Variants in PCDHA3 observed in about 807,000 individuals in gnomAD.
The protein encoded by PCDHA3 is protocadherin alpha-3.
Under a neutral mutation model 62.2 loss-of-function variants are expected in PCDHA3, and 41 were observed. The observed-to-expected ratio is 0.66, with a 90% CI of 0.51 to 0.86. PCDHA3 has a LOEUF of 0.86. Among genes scored for constraint, PCDHA3 ranks in the 40% least tolerant of loss-of-function variants. The pLI is 0.00. For synonymous variants in PCDHA3, 640 were observed against 555.4 expected (o/e 1.15, Z -2.14); for missense variants, 1,304 against 1,241.2 (o/e 1.05, Z -0.76).
Position 140,908,881 on chromosome 5 carries a change from A to G in PCDHA3, c.2395-70068A>G, listed in dbSNP as rs77004912. Among the ~76,000 whole-genome samples, 1,225 of 152,366 alleles carry G rather than the reference A, an allele frequency of 8.0e-3. 6 individuals carry two copies. The highest frequency in any genetic ancestry group is 0.019 in the African/African-American group (790 of 41,588). Reference sequence around the variant, plus strand: ...AGGAATGTGTTGCCTCCAAAATCCAATAGTCCCAAATAAGCCTCTTTCGTG... The same window carrying G: ...AGGAATGTGTTGCCTCCAAAATCCAGTAGTCCCAAATAAGCCTCTTTCGTG... On this transcript the variant is annotated intron_variant, in intron 1 of 3. Transcript: ENST00000522353.
intron 1 of PCDHA3, chr5:140,857,971 G>A: frequency 6.3e-7 from 1 of 1,596,806 alleles, no homozygotes; most frequent in Non-Finnish European, 8.6e-7. Flanking sequence ...AGACTGACTC[G>A]CCACGCCAGC....
At chr5:141,000,238 G>T (rs111531743) in intron 3 of PCDHA3, among the ~76,000 whole-genome samples, 3 of 151,558 alleles carry the variant, frequency 2.0e-5, no homozygotes, top group African/African-American at 7.3e-5. Flanking sequence ...GCTGAATGTG[G>T]TGGCTGACAC....
intron 1 of PCDHA3, chr5:140,870,967 C>T (rs782808360): frequency 1.9e-6 from 3 of 1,613,648 alleles, no homozygotes; most frequent in Admixed American, 1.7e-5. Context: ...CATCCCGTTC[C>T]GCGTGGGGCT....
rs368819593 is a variant in PCDHA3, at chr5:140,803,081, G to A, written c.1884G>A (p.Thr628=). ...ARIPFRVGLY[T]GEISTTRALD... is the part of the protein sequence containing the mutation. The stretch of plus-strand genomic sequence containing the variant: ...TCCCGTTTCGCGTGGGGCTGTACAC[G>A]GGAGAGATCAGCACGACCCGTGCCC... Residue 628 remains threonine (T), a synonymous_variant, in exon 1 of 4, where the codon ACG becomes ACA. Coordinates refer to ENST00000522353, the MANE Select transcript of PCDHA3 (RefSeq NM_018906.3). The A allele has an allele frequency of 2.5e-6, 4 of 1,613,820 alleles. No individual in the cohort carries two copies. In the African/African-American group the frequency reaches 4.0e-5, roughly 16 times the overall value.
At chr5:140,957,912 T>A (rs570961362) in intron 1 of PCDHA3, among the ~76,000 whole-genome samples, 1 of 152,256 alleles carries the variant, frequency 6.6e-6, no homozygotes, top group Non-Finnish European at 1.5e-5. Context: ...CATATTGTTA[T>A]CTATGTATCA....
At chr5:141,003,432 C>T (rs1175854943) in intron 3 of PCDHA3, among the ~76,000 whole-genome samples, 1 of 152,124 alleles carries the variant, frequency 6.6e-6, no homozygotes, top group African/African-American at 2.4e-5. Context: ...ATGCCTCAGC[C>T]TCCCAAGTAG....
At chr5:140,928,536 GA>G (rs782686789) in intron 1 of PCDHA3, 1 of 1,614,228 alleles carries the variant, frequency 6.2e-7, no homozygotes, top group Non-Finnish European at 8.5e-7. Context: ...TGGTAGATAG[GA>G]ATGACAATTA....
intron 1 of PCDHA3, among the ~76,000 whole-genome samples, chr5:140,931,932 T>C (rs1163129550): frequency 6.6e-6 from 1 of 151,986 alleles, no homozygotes; most frequent in South Asian, 2.1e-4. Context: ...ATGATTATAA[T>C]GTGTGTCTGA....
chr5:140,966,620 G>A lies in PCDHA3; in HGVS notation c.2395-12329G>A, dbSNP rs2096027901. 8 of 837,888 alleles carry A rather than the reference G, an allele frequency of 9.5e-6. No homozygotes were observed. The East Asian group carries it at 2.6e-4, about 27-fold the overall frequency. 51.9% of individuals were successfully genotyped at this position (837,888 alleles called of 1,614,324 possible). A position where few individuals can be genotyped will look rare whatever the true frequency, so the allele number is the denominator to read the frequency against. On this transcript the variant is annotated intron_variant, in intron 1 of 3. Transcript: ENST00000522353. ...GAGCCCTTGGGAGGGCCTACGGAGG[G>A]AGCGGCCCCAGGCGCTTTCTAGAGC...
intron 1 of PCDHA3, among the ~76,000 whole-genome samples, chr5:140,946,631 T>TATATATATATATATATATACACAC (rs57893927): frequency 7.6e-6 from 1 of 131,846 alleles, no homozygotes; most frequent in South Asian, 2.2e-4. Context: ...TATATATATA[T>TATATATATATATATATATACACAC]ACAATGGAAT....
intron 1 of PCDHA3, chr5:140,860,578 G>T (rs1420299092): frequency 1.3e-5 from 2 of 152,134 alleles, no homozygotes; most frequent in Non-Finnish European, 2.9e-5. Flanking sequence ...ACACAAGAAG[G>T]TATAGGAAAG....
chr5:140,831,902 G>A (rs1771755236), intron 1 of PCDHA3, among the ~76,000 whole-genome samples: 1 of 152,130 alleles, frequency 6.6e-6, no homozygotes, highest in Admixed American at 6.6e-5. Flanking sequence ...TTGCCAAATA[G>A]CAAGTGCTTA....
chr5:140,967,107 G>A (rs782199698), intron 1 of PCDHA3: 12 of 1,612,876 alleles, frequency 7.4e-6, no homozygotes, highest in Non-Finnish European at 9.3e-6. Context: ...TGTGAGCAGC[G>A]GCCTCGCTGC....
At chr5:140,886,560 G>A (rs1230327560) in intron 1 of PCDHA3, among the ~76,000 whole-genome samples, 3 of 151,904 alleles carry the variant, frequency 2.0e-5, no homozygotes, top group Non-Finnish European at 4.4e-5. Flanking sequence ...GGGCACGGTG[G>A]CTCACGCCTG....
At position 140,885,311 on chromosome 5, in the gene PCDHA3, T is replaced by C. The variant is rs3776122; in HGVS notation, c.2394+81720T>C. On this transcript the variant is annotated intron_variant, in intron 1 of 3. Transcript: ENST00000522353. Reference sequence around the variant, plus strand: ...AGAGAGAGACCTGGTAGGCTTTTTGTTATTATTTCTTTTCCAAAGTTTGAA... The same window carrying C: ...AGAGAGAGACCTGGTAGGCTTTTTGCTATTATTTCTTTTCCAAAGTTTGAA... Among the ~76,000 whole-genome samples, 52 of 152,304 alleles carry C rather than the reference T, an allele frequency of 3.4e-4. No individual in the cohort carries two copies. In the East Asian group the frequency reaches 7.5e-3, roughly 22 times the overall value.
In PCDHA3 at chr5:140,906,646, G is replaced by T. The variant is rs1473127161; in HGVS notation, c.2395-72303G>T. On this transcript the variant is annotated intron_variant, in intron 1 of 3. Coordinates refer to ENST00000522353, the MANE Select transcript of PCDHA3 (RefSeq NM_018906.3). ...TCAGCAAGCACCTCAGCAGGTAGTG[G>T]TTTTTTCCTGGTGTAGTGACCCAAA... Among the ~76,000 whole-genome samples the T allele has an allele frequency of 2.0e-5, 3 of 152,192 alleles. No individual in the cohort carries two copies. In the East Asian group the frequency reaches 5.8e-4, roughly 29 times the overall value.
intron 3 of PCDHA3, among the ~76,000 whole-genome samples, chr5:141,005,012 G>T (rs782256217): frequency 3.3e-5 from 5 of 152,212 alleles, no homozygotes; most frequent in Non-Finnish European, 4.4e-5. Context: ...CCTGAGAGCT[G>T]CATTATATAT....
At position 140,869,042 on chromosome 5, in the gene PCDHA3, A is replaced by G. The variant is rs74567119; in HGVS notation, c.2394+65451A>G. On this transcript the variant is annotated intron_variant, in intron 1 of 3. Transcript: ENST00000522353. The stretch of plus-strand genomic sequence containing the variant: ...GAATTCAACGAGATTTTTAACCTGA[A>G]ACTGAAGAATCTGGTACTGTAAGTG... The G allele has an allele frequency of 9.2e-4, 1,413 of 1,529,994 alleles. 13 individuals are homozygous for G. The African/African-American group carries it at 0.016, about 18-fold the overall frequency. The allele number at this position is 1,529,994 out of a possible 1,614,324, so 94.8% of individuals were successfully genotyped here.
At chr5:140,950,389 T>C (rs269550) in intron 1 of PCDHA3, among the ~76,000 whole-genome samples, 33,984 of 151,960 alleles carry the variant, frequency 0.22, 4,900 homozygotes, top group African/African-American at 0.41. Context: ...TTGAATGATA[T>C]AGAATTCTGG....
Sources: allele counts gnomAD v4.1 joint callset (sites outside exome capture counted in the v4.1 genomes callset), GRCh38; gene constraint gnomAD v4.1.1; transcripts MANE v1.5; gene names NCBI Gene and HGNC (gene_info 2026-07-23, HGNC 2026-07-21).